The following FGF12 variants were observed in gnomAD, a reference collection of about 807,000 sequenced individuals.
FGF12 encodes the protein fibroblast growth factor 12.
In FGF12, 14 loss-of-function variants were observed where a neutral mutation model predicts 23.6. The ratio of observed to expected loss-of-function variants is 0.59; its 90% CI spans 0.39 to 0.93. FGF12 has a LOEUF of 0.93. Ranked by LOEUF, FGF12 falls within the 40% of genes least tolerant of loss-of-function variation. The pLI, the probability that FGF12 is intolerant of heterozygous loss-of-function variation, is 0.00. For missense variants in FGF12, 175 were observed against 217.8 expected, an observed-to-expected ratio of 0.80 and a Z score of 1.24; for synonymous variants, 62 against 77.3, an observed-to-expected ratio of 0.80 and a Z score of 1.04.
intron 3 of FGF12, among the ~76,000 whole-genome samples, chr3:192,347,997 A>G (rs980603764): frequency 6.6e-6 from 1 of 152,190 alleles, no homozygotes; most frequent in African/African-American, 2.4e-5. Context: ...ATTAATATCC[A>G]TGATTGTCTG....
chr3:192,203,273 C>T (rs1278066791), intron 4 of FGF12, among the ~76,000 whole-genome samples: 1 of 152,034 alleles, frequency 6.6e-6, no homozygotes, highest in East Asian at 1.9e-4. Context: ...TGTCTTATAA[C>T]CTGTTTTTTA....
chr3:192,573,065 A>G (rs1712711437), intron 2 of FGF12, among the ~76,000 whole-genome samples: 1 of 152,210 alleles, frequency 6.6e-6, no homozygotes, highest in Non-Finnish European at 1.5e-5. Context: ...AGAAGTAATG[A>G]GCAAAACTTT....
intron 4 of FGF12, among the ~76,000 whole-genome samples, chr3:192,312,020 T>G (rs1351069619): frequency 1.3e-5 from 2 of 152,150 alleles, no homozygotes; most frequent in Non-Finnish European, 2.9e-5. Context: ...GTTATATGTC[T>G]TTTTATTACT....
chr3:192,405,729 T>C (rs147822743), intron 2 of FGF12, among the ~76,000 whole-genome samples: 6 of 152,354 alleles, frequency 3.9e-5, no homozygotes, highest in African/African-American at 1.2e-4. Flanking sequence ...GGAACTGATA[T>C]GTGGAAGGTG....
intron 2 of FGF12, among the ~76,000 whole-genome samples, chr3:192,643,656 C>A (rs143785459): frequency 6.6e-6 from 1 of 152,266 alleles, no homozygotes; most frequent in African/African-American, 2.4e-5. Context: ...TCTTAATGAA[C>A]TTTATTAGTG....
intron 2 of FGF12, among the ~76,000 whole-genome samples, chr3:192,633,411 C>A (rs144772939): frequency 1.8e-3 from 280 of 152,198 alleles, no homozygotes; most frequent in African/African-American, 6.5e-3. Flanking sequence ...CATCTTAATT[C>A]AGGATCCTAT....
At chr3:192,473,713 C>T (rs970097604) in intron 2 of FGF12, among the ~76,000 whole-genome samples, 2 of 152,214 alleles carry the variant, frequency 1.3e-5, no homozygotes, top group African/African-American at 4.8e-5. Context: ...GAAAGAACCA[C>T]ATTCCCACCT....
At chr3:192,513,999 G>T (rs1724575020) in intron 2 of FGF12, among the ~76,000 whole-genome samples, 1 of 152,186 alleles carries the variant, frequency 6.6e-6, no homozygotes, top group Admixed American at 6.5e-5. Flanking sequence ...TTAGTTTGGT[G>T]GGGTTTTTTT....
At chr3:192,493,264 T>C (rs1723853095) in intron 2 of FGF12, among the ~76,000 whole-genome samples, 1 of 152,142 alleles carries the variant, frequency 6.6e-6, no homozygotes, top group Non-Finnish European at 1.5e-5. Flanking sequence ...TCTCTAAAGA[T>C]TCTCTCTGCA....
intron 4 of FGF12, among the ~76,000 whole-genome samples, chr3:192,266,301 G>C (rs1405386472): frequency 6.6e-6 from 1 of 152,076 alleles, no homozygotes; most frequent in Non-Finnish European, 1.5e-5. Flanking sequence ...TTCATGACTT[G>C]CATAATGTTA....
intron 2 of FGF12, among the ~76,000 whole-genome samples, chr3:192,425,987 G>A (rs929534963): frequency 6.6e-6 from 1 of 152,190 alleles, no homozygotes; most frequent in African/African-American, 2.4e-5. Flanking sequence ...AAGAGATCAA[G>A]TTCATAGGTG....
At chr3:192,375,506 A>G (rs1371358541) in intron 2 of FGF12, among the ~76,000 whole-genome samples, 1 of 152,136 alleles carries the variant, frequency 6.6e-6, no homozygotes, top group Non-Finnish European at 1.5e-5. Context: ...AATAATGCAA[A>G]CGGCTAAAAA....
intron 2 of FGF12, among the ~76,000 whole-genome samples, chr3:192,420,870 C>T (rs1721504873): frequency 6.6e-6 from 1 of 152,092 alleles, no homozygotes; most frequent in South Asian, 2.1e-4. Flanking sequence ...CACAGCTCAT[C>T]ATATAGTATC....
At chr3:192,397,106 A>G (rs1033485727) in intron 2 of FGF12, among the ~76,000 whole-genome samples, 1 of 152,236 alleles carries the variant, frequency 6.6e-6, no homozygotes, top group African/African-American at 2.4e-5. Context: ...CAGGAAAAGC[A>G]TAATTTCAAA....
chr3:192,177,179 G>A (rs1231341585), intron 4 of FGF12, among the ~76,000 whole-genome samples: 2 of 152,136 alleles, frequency 1.3e-5, no homozygotes, highest in Non-Finnish European at 2.9e-5. Context: ...CCTTTGGCAC[G>A]CCAGTTAACC....
At chr3:192,699,630 C>T (rs1039294260) in intron 2 of FGF12, among the ~76,000 whole-genome samples, 4 of 152,158 alleles carry the variant, frequency 2.6e-5, no homozygotes, top group African/African-American at 9.7e-5. Context: ...CAAAATAAGC[C>T]ATCACCTGCA....
intron 2 of FGF12, among the ~76,000 whole-genome samples, chr3:192,375,278 T>A (rs944130969): frequency 2.6e-5 from 4 of 152,340 alleles, no homozygotes; most frequent in African/African-American, 9.6e-5. Flanking sequence ...TTTGTGGTTT[T>A]TATTTATTAT....
chr3:192,644,061 T>C (rs1357181082), intron 2 of FGF12, among the ~76,000 whole-genome samples: 1 of 152,194 alleles, frequency 6.6e-6, no homozygotes, highest in Non-Finnish European at 1.5e-5. Context: ...ATAAAGCGAC[T>C]TACGCAGCAT....
At chr3:192,439,790 G>T (rs1050891667) in intron 2 of FGF12, among the ~76,000 whole-genome samples, 1 of 152,094 alleles carries the variant, frequency 6.6e-6, no homozygotes, top group Non-Finnish European at 1.5e-5. Flanking sequence ...GCCTGGCAAA[G>T]ATGGTGAAAC....
Sources: allele counts gnomAD v4.1 joint callset (sites outside exome capture counted in the v4.1 genomes callset), GRCh38; gene constraint gnomAD v4.1.1; transcripts MANE v1.5; gene names NCBI Gene and HGNC (gene_info 2026-07-23, HGNC 2026-07-21).